Variants in EFHC1 observed in about 807,000 individuals in gnomAD.
EFHC1 encodes EF-hand domain containing 1, also known as EF-hand domain-containing protein 1.
EFHC1 carries 53 observed loss-of-function variants against 69.9 expected under a neutral mutation model. That is an observed-to-expected ratio of 0.76 (90% confidence interval 0.61 to 0.95). The LOEUF is 0.95. Ranked by LOEUF, EFHC1 falls within the 40% of genes least tolerant of loss-of-function variation. The pLI is 0.00. For missense variants in EFHC1, 739 were observed against 798.7 expected, an observed-to-expected ratio of 0.93 and a Z score of 0.90; for synonymous variants, 256 against 278.4, an observed-to-expected ratio of 0.92 and a Z score of 0.80.
At position 52,493,401 on chromosome 6, in the gene EFHC1, TCATA is replaced by T; in HGVS notation, c.*1063_*1066del. The stretch of plus-strand genomic sequence containing the variant: ...ATATATATATTTTATATGTACACAT[TCATA>T]CACACACACGCTTATATGTATACAT... On this transcript the variant is annotated 3_prime_UTR_variant, in exon 11 of 11. Transcript: ENST00000371068. 1 of 298,746 alleles carries T rather than the reference TCATA, an allele frequency of 3.3e-6. No homozygotes were observed. Among genetic ancestry groups the T allele is most frequent in the Non-Finnish European group, 6.5e-6 (1 of 153,098 alleles). 18.5% of individuals were successfully genotyped at this position (298,746 alleles called of 1,614,324 possible).
rs1764234668 is a variant in EFHC1, at chr6:52,423,573, C to T, written c.64-373C>T. 5 of 472,154 alleles carry T rather than the reference C, an allele frequency of 1.1e-5. No individual in the cohort carries two copies. In the South Asian group the frequency reaches 1.7e-4, roughly 16 times the overall value. 29.2% of individuals were successfully genotyped at this position (472,154 alleles called of 1,614,324 possible). ...CTGGAGTGCAGTGGTTCAATCATAG[C>T]TTATTGCAGCTTGGACCTCCCAGGC... On this transcript the variant is annotated intron_variant, in intron 1 of 10. Coordinates refer to ENST00000371068, the MANE Select transcript of EFHC1 (RefSeq NM_018100.4).
Position 52,493,708 on chromosome 6 carries a change from A to C in EFHC1, c.*1367A>C. ...CTTTTAGAGAGCCTGGCCTTGAGAG[A>C]GGAAGGAAAGACTAGTTGCAGTTAC... On this transcript the variant is annotated 3_prime_UTR_variant, in exon 11 of 11. Coordinates refer to ENST00000371068, the MANE Select transcript of EFHC1 (RefSeq NM_018100.4). 1 of 453,242 alleles carries C rather than the reference A, an allele frequency of 2.2e-6. No homozygotes were observed. The highest frequency in any genetic ancestry group is 7.0e-5 in the East Asian group (1 of 14,386). 28.1% of individuals were successfully genotyped at this position (453,242 alleles called of 1,614,324 possible).
At chr6:52,480,035 A>G (rs1765641256) in intron 9 of EFHC1, 3 of 635,374 alleles carry the variant, frequency 4.7e-6, no homozygotes, top group East Asian at 5.5e-5. Flanking sequence ...GCCTCCCTCC[A>G]CAGCTGAAAA....
intron 7 of EFHC1, among the ~76,000 whole-genome samples, chr6:52,471,907 TAAA>T (rs778868096): frequency 6.7e-6 from 1 of 148,932 alleles, no homozygotes; most frequent in Non-Finnish European, 1.5e-5. Context: ...ATAATAAAAT[TAAA>T]AAAAAAATTT....
At chr6:52,438,928 C>T (rs976568723) in intron 3 of EFHC1, among the ~76,000 whole-genome samples, 4 of 152,046 alleles carry the variant, frequency 2.6e-5, no homozygotes, top group Admixed American at 1.3e-4. Flanking sequence ...AGGGATTAAA[C>T]GTTTTATCTT....
In EFHC1 at chr6:52,479,168, T is replaced by G; in HGVS notation, c.1410T>G (p.Thr470=). 1 of 1,614,158 alleles carries G rather than the reference T, an allele frequency of 6.2e-7. No homozygotes were observed. The highest frequency in any genetic ancestry group is 1.3e-5 in the African/African-American group (1 of 75,048). ...GIIGGKYLGR[T]KVVKPYSTVD... is the part of the protein sequence containing the mutation. ...TTGGGGGCAAGTACCTTGGCAGGAC[T>G]AAAGTTGTTAAACCATACTCTACAG... is the stretch of plus-strand genomic sequence containing the variant. Residue 470 remains threonine (T), a synonymous_variant, in exon 8 of 11, where the codon ACT becomes ACG. Transcript: ENST00000371068.
intron 1 of EFHC1, chr6:52,421,035 T>C: frequency 1.0e-6 from 1 of 1,003,584 alleles, no homozygotes; most frequent in Non-Finnish European, 1.2e-6. Context: ...CTGTTTTGTA[T>C]GTATATCGAT....
At chr6:52,442,318 T>C (rs540886417) in intron 3 of EFHC1, among the ~76,000 whole-genome samples, 1 of 149,004 alleles carries the variant, frequency 6.7e-6, no homozygotes, top group South Asian at 2.1e-4. Context: ...TTATTATACT[T>C]TAAGTTATGG....
rs1476208652 is a variant in EFHC1 at position 52,493,270 on chromosome 6, C to T, written c.*929C>T. The T allele has an allele frequency of 2.2e-6, 1 of 451,996 alleles. No individual in the cohort carries two copies. Among genetic ancestry groups the T allele is most frequent in the Non-Finnish European group, 4.4e-6 (1 of 226,366 alleles). 28.0% of individuals were successfully genotyped at this position (451,996 alleles called of 1,614,324 possible). On this transcript the variant is annotated 3_prime_UTR_variant, in exon 11 of 11. Coordinates refer to ENST00000371068, the MANE Select transcript of EFHC1 (RefSeq NM_018100.4). The stretch of plus-strand genomic sequence containing the variant: ...AATTATACCTTTAGCTCTCCTGGGT[C>T]TCCAGCTTGCCAATTTACCCTGCAG...
rs1431440835 is a variant in EFHC1, at chr6:52,494,663, CCAGT to C, written c.*2323_*2326del. The stretch of plus-strand genomic sequence containing the variant: ...TGCACCCAGGTAGTGAGCATAGTGC[CCAGT>C]AAGTAGTTTTTCCACACATACCCCC... On this transcript the variant is annotated 3_prime_UTR_variant, in exon 11 of 11. Coordinates refer to ENST00000371068, the MANE Select transcript of EFHC1 (RefSeq NM_018100.4). The C allele has an allele frequency of 4.4e-6, 2 of 453,946 alleles. No individual in the cohort carries two copies. The highest frequency in any genetic ancestry group is 8.8e-6 in the Non-Finnish European group (2 of 226,750). The allele number at this position is 453,946 out of a possible 1,614,324, so 28.1% of individuals were successfully genotyped here. A position where few individuals can be genotyped will look rare whatever the true frequency, so the allele number is the denominator to read the frequency against.
At chr6:52,452,179 C>G (rs1258691636) in intron 3 of EFHC1, among the ~76,000 whole-genome samples, 1 of 152,212 alleles carries the variant, frequency 6.6e-6, no homozygotes, top group African/African-American at 2.4e-5. Flanking sequence ...TCAGGTAACT[C>G]TCAATTATTA....
rs199768969 is a variant in EFHC1, at chr6:52,431,170, G to GT, written c.285+7011dup. The stretch of plus-strand genomic sequence containing the variant: ...CAGCTTTTTGTTTCATTTATCTTTT[G>GT]TTTTTTTTGTTTGTTTATTTCAATT... On this transcript the variant is annotated intron_variant, in intron 2 of 10. Transcript: ENST00000371068. Among the ~76,000 whole-genome samples, 1,159 of 151,118 alleles carry GT rather than the reference G, an allele frequency of 7.7e-3. 24 individuals are homozygous for GT. Among genetic ancestry groups the GT allele is most frequent in the African/African-American group, 0.025 (1,037 of 41,174 alleles).
chr6:52,431,646 CT>C (rs969128669), intron 2 of EFHC1, among the ~76,000 whole-genome samples: 5 of 152,074 alleles, frequency 3.3e-5, no homozygotes, highest in African/African-American at 1.2e-4. Flanking sequence ...GGAGAAAGTT[CT>C]ATGCGCTGTT....
intron 2 of EFHC1, among the ~76,000 whole-genome samples, chr6:52,435,444 G>A (rs1764510514): frequency 6.6e-6 from 1 of 152,100 alleles, no homozygotes; most frequent in East Asian, 1.9e-4. Context: ...CTTAAATTCA[G>A]TAAGTCTAAA....
intron 3 of EFHC1, among the ~76,000 whole-genome samples, chr6:52,448,360 A>G (rs1764836455): frequency 6.6e-6 from 1 of 152,114 alleles, no homozygotes. Flanking sequence ...TGGGTGTGGG[A>G]CCCTCTGAGC....
Position 52,440,472 on chromosome 6 carries a change from G to A in EFHC1, c.573+1881G>A, listed in dbSNP as rs147052007. 6.1e-4 allele frequency among the ~76,000 whole-genome samples: 92 copies of A among 151,808 alleles called. 1 individual carries two copies. The highest frequency in any genetic ancestry group is 1.7e-3 in the African/African-American group (70 of 41,432). On this transcript the variant is annotated intron_variant, in intron 3 of 10. Coordinates refer to ENST00000371068, the MANE Select transcript of EFHC1 (RefSeq NM_018100.4). ...AAAACACAAAAATGCAAAAAATCTGGCACCTTCATGTATATGTATATGTAT... is the reference window on the plus strand; with the variant it reads ...AAAACACAAAAATGCAAAAAATCTGACACCTTCATGTATATGTATATGTAT...
chr6:52,491,649 C>T (rs866593056), intron 10 of EFHC1, among the ~76,000 whole-genome samples: 5 of 152,196 alleles, frequency 3.3e-5, no homozygotes, highest in African/African-American at 1.2e-4. Flanking sequence ...TTGAGACCGT[C>T]ATTACGAGAG....
rs1764257067 is a variant in EFHC1 at position 52,424,263 on chromosome 6, G to A, written c.285+96G>A. 3 of 1,199,834 alleles carry A rather than the reference G, an allele frequency of 2.5e-6. No individual in the cohort carries two copies. The African/African-American group carries it at 4.5e-5, about 18-fold the overall frequency. 74.3% of individuals were successfully genotyped at this position (1,199,834 alleles called of 1,614,324 possible). On this transcript the variant is annotated intron_variant, in intron 2 of 10. Coordinates refer to ENST00000371068, the MANE Select transcript of EFHC1 (RefSeq NM_018100.4). ...ACAGTAAACCACAGAATTTCCAAAGGGCTCTGAGGAGAAAATTGTTCAGAT... is the reference window on the plus strand; with the variant it reads ...ACAGTAAACCACAGAATTTCCAAAGAGCTCTGAGGAGAAAATTGTTCAGAT...
intron 10 of EFHC1, among the ~76,000 whole-genome samples, chr6:52,491,767 C>A (rs1033763201): frequency 7.2e-5 from 11 of 152,170 alleles, no homozygotes; most frequent in Non-Finnish European, 1.3e-4. Context: ...AGGCAACCGC[C>A]CGAGCTGCTA....
Sources: gnomAD v4.1 joint callset for allele counts (sites outside exome capture counted in the v4.1 genomes callset) on GRCh38, gnomAD v4.1.1 for gene constraint, MANE v1.5 for transcripts, NCBI Gene and HGNC (gene_info 2026-07-23, HGNC 2026-07-21) for gene names.